Variants in CDYL2 observed in about 807,000 individuals in gnomAD.
CDYL2 encodes the protein chromodomain Y like 2.
Under a neutral mutation model 49.4 loss-of-function variants are expected in CDYL2, and 23 were observed. That is an observed-to-expected ratio of 0.47 (90% CI 0.34 to 0.66). The LOEUF is 0.66. CDYL2 is among the 30% of genes least tolerant of loss of function. The pLI is 0.01. For missense variants in CDYL2, 678 were observed against 656.4 expected, an observed-to-expected ratio of 1.03 and a Z score of -0.36; for synonymous variants, 360 against 268.8, an observed-to-expected ratio of 1.34 and a Z score of -3.32.
In CDYL2 at chr16:80,602,324, C is replaced by T. The variant is rs144739742; in HGVS notation, c.*2064G>A. 7.2e-5 allele frequency: 11 copies of T among 152,316 alleles called. No homozygotes were observed. In the East Asian group the frequency reaches 1.5e-3, roughly 21 times the overall value. 9.4% of individuals were successfully genotyped at this position (152,316 alleles called of 1,614,324 possible). On this transcript the variant is annotated 3_prime_UTR_variant, in exon 7 of 7. Coordinates refer to ENST00000570137, the MANE Select transcript of CDYL2 (RefSeq NM_152342.4). ...TGGACAAAGGGGAGGGTGCACAGGA[C>T]TTTAATTCCATCCTCCTCTGGCTGA...
At chr16:80,666,526 C>T (rs530680015) in intron 2 of CDYL2, among the ~76,000 whole-genome samples, 3 of 152,146 alleles carry the variant, frequency 2.0e-5, no homozygotes, top group Admixed American at 6.5e-5. Flanking sequence ...ACTGTGGCTT[C>T]GTGAATATAA....
At chr16:80,709,780 T>G (rs1904531037) in intron 1 of CDYL2, among the ~76,000 whole-genome samples, 1 of 152,188 alleles carries the variant, frequency 6.6e-6, no homozygotes, top group Non-Finnish European at 1.5e-5. Context: ...TTGTAGGAAT[T>G]ATAGATTTCT....
At chr16:80,802,093 C>A (rs765803815) in intron 1 of CDYL2, among the ~76,000 whole-genome samples, 1 of 152,108 alleles carries the variant, frequency 6.6e-6, no homozygotes, top group Admixed American at 6.5e-5. Flanking sequence ...CCAAGGCCAC[C>A]GTGAAAACTC....
In CDYL2 at chr16:80,604,555, A is replaced by C. The variant is rs770369375; in HGVS notation, c.1363-9T>G. ...TTGGACTCCTCTAACACCTAGAGGG[A>C]AATAGACAGGCCTGATTAGCCGGGC... On this transcript the variant is annotated splice_polypyrimidine_tract_variant and intron_variant, in intron 6 of 6. Transcript: ENST00000570137. The C allele has an allele frequency of 6.2e-7, 1 of 1,614,100 alleles. No homozygotes were observed. Among genetic ancestry groups the C allele is most frequent in the Non-Finnish European group, 8.5e-7 (1 of 1,179,924 alleles).
In CDYL2 at chr16:80,727,725, G is replaced by A. The variant is rs529566660; in HGVS notation, c.25-42596C>T. ...TCTGACAGCTTTGAAGAGAACAGTGGTTCTCCCAGCACGCAGCGGGAGATC... is the reference window on the plus strand; with the variant it reads ...TCTGACAGCTTTGAAGAGAACAGTGATTCTCCCAGCACGCAGCGGGAGATC... On this transcript the variant is annotated intron_variant, in intron 1 of 6. Coordinates refer to ENST00000570137, the MANE Select transcript of CDYL2 (RefSeq NM_152342.4). Among the ~76,000 whole-genome samples the A allele has an allele frequency of 4.6e-5, 7 of 152,312 alleles. No homozygotes were observed. The South Asian group carries it at 1.4e-3, about 32-fold the overall frequency.
At chr16:80,651,699 G>T (rs1240086396) in intron 2 of CDYL2, among the ~76,000 whole-genome samples, 2 of 152,182 alleles carry the variant, frequency 1.3e-5, no homozygotes, top group Non-Finnish European at 2.9e-5. Context: ...TACTGAAGGG[G>T]TTACGGAAAT....
chr16:80,648,089 T>G (rs1908428178), intron 2 of CDYL2, among the ~76,000 whole-genome samples: 1 of 151,346 alleles, frequency 6.6e-6, no homozygotes, highest in Non-Finnish European at 1.5e-5. Flanking sequence ...AACCTAACAA[T>G]GCATCTTAAA....
chr16:80,632,706 G>A, intron 3 of CDYL2: 1 of 325,944 alleles, frequency 3.1e-6, no homozygotes, highest in Non-Finnish European at 5.8e-6. Context: ...AGTTTAGCTG[G>A]AAAAGCCCAA....
intron 1 of CDYL2, among the ~76,000 whole-genome samples, chr16:80,707,087 T>C (rs1904430823): frequency 6.6e-6 from 1 of 152,168 alleles, no homozygotes; most frequent in African/African-American, 2.4e-5. Context: ...ACCCAGAGCC[T>C]GCCCCCTAGG....
intron 2 of CDYL2, chr16:80,671,022 G>C (rs1054997291): frequency 1.3e-5 from 6 of 455,754 alleles, no homozygotes; most frequent in South Asian, 7.7e-5. Context: ...AACCAGTCTA[G>C]GGTTGTGACT....
intron 1 of CDYL2, among the ~76,000 whole-genome samples, chr16:80,785,226 G>A (rs1567606112): frequency 6.6e-6 from 1 of 152,166 alleles, no homozygotes; most frequent in African/African-American, 2.4e-5. Flanking sequence ...CATCGTCTCA[G>A]CCCAAAATCT....
intron 1 of CDYL2, among the ~76,000 whole-genome samples, chr16:80,754,708 T>A (rs1186966726): frequency 6.6e-6 from 1 of 152,196 alleles, no homozygotes; most frequent in Non-Finnish European, 1.5e-5. Flanking sequence ...CGTGAGGGAA[T>A]ACACATAGCA....
In CDYL2 at chr16:80,638,371, C is replaced by T. The variant is rs978824443; in HGVS notation, c.617-5135G>A. On this transcript the variant is annotated intron_variant, in intron 2 of 6. Coordinates refer to ENST00000570137, the MANE Select transcript of CDYL2 (RefSeq NM_152342.4). Reference sequence around the variant, plus strand: ...ATTATAGGCGTGTGCCACCACACTTCGCCAAGACTCAATATTTTTAATATG... The same window carrying T: ...ATTATAGGCGTGTGCCACCACACTTTGCCAAGACTCAATATTTTTAATATG... Among the ~76,000 whole-genome samples the T allele has an allele frequency of 3.3e-5, 5 of 152,130 alleles. 1 individual carries two copies. In the South Asian group the frequency reaches 6.2e-4, roughly 19 times the overall value.
At chr16:80,654,617 A>C (rs76340072) in intron 2 of CDYL2, among the ~76,000 whole-genome samples, 1,925 of 152,226 alleles carry the variant, frequency 0.013, 41 homozygotes, top group East Asian at 0.036. Context: ...AGGCTCATAA[A>C]TGGCATTGGG....
At chr16:80,650,506 A>G (rs1908538296) in intron 2 of CDYL2, among the ~76,000 whole-genome samples, 1 of 152,180 alleles carries the variant, frequency 6.6e-6, no homozygotes, top group South Asian at 2.1e-4. Flanking sequence ...GGGAACTCTC[A>G]CACACTGTTG....
At chr16:80,657,382 G>A (rs1159282392) in intron 2 of CDYL2, among the ~76,000 whole-genome samples, 1 of 152,132 alleles carries the variant, frequency 6.6e-6, no homozygotes, top group Non-Finnish European at 1.5e-5. Flanking sequence ...GTGTATCACA[G>A]ATAAAAGGCT....
intron 5 of CDYL2, among the ~76,000 whole-genome samples, chr16:80,608,811 A>T (rs1461220907): frequency 6.6e-6 from 1 of 152,142 alleles, no homozygotes; most frequent in Non-Finnish European, 1.5e-5. Context: ...AGAGAGAGAA[A>T]GATTAAGAGA....
chr16:80,653,797 C>T (rs1908687549), intron 2 of CDYL2, among the ~76,000 whole-genome samples: 1 of 152,200 alleles, frequency 6.6e-6, no homozygotes, highest in South Asian at 2.1e-4. Flanking sequence ...TTCAGACATG[C>T]AGGCAAGCTT....
rs1295053852 is a variant in CDYL2 at position 80,633,058 on chromosome 16, C to G, written c.795G>C (p.Leu265=). ...RKEEGFTHIL[L]SSQTSDNNAL... is the part of the protein sequence containing the mutation. ...CATTGTTATCCGAGGTCTGACTGGA[C>G]AGCAGGATGTGCGTGAACCCTTCTT... The change falls in exon 3 of 7, where the codon CTG becomes CTC. Residue 265 remains leucine, a synonymous_variant. Transcript: ENST00000570137. 6.2e-7 allele frequency: 1 copy of G among 1,614,176 alleles called. No homozygotes were observed.
Sources: gnomAD v4.1 joint callset for allele counts (sites outside exome capture counted in the v4.1 genomes callset) on GRCh38, gnomAD v4.1.1 for gene constraint, MANE v1.5 for transcripts, NCBI Gene and HGNC (gene_info 2026-07-23, HGNC 2026-07-21) for gene names.